The following PTTG1IP variants were observed in gnomAD, a reference collection of about 807,000 sequenced individuals.
PTTG1IP encodes the protein pituitary tumor-transforming gene 1 protein-interacting protein.
PTTG1IP carries 16 observed loss-of-function variants against 24.4 expected under a neutral mutation model. The ratio of observed to expected loss-of-function variants is 0.66; its 90% CI spans 0.44 to 1.00. PTTG1IP has a LOEUF of 1.00. PTTG1IP is among the 50% of genes least tolerant of loss of function. The pLI, the probability that PTTG1IP is intolerant of heterozygous loss-of-function variation, is 0.00. For missense variants in PTTG1IP, 241 were observed against 245.8 expected (o/e 0.98, Z 0.13); for synonymous variants, 89 against 96.8 (o/e 0.92, Z 0.47).
At chr21:44,867,622 G>A (rs2083552651) in intron 1 of PTTG1IP, among the ~76,000 whole-genome samples, 1 of 152,272 alleles carries the variant, frequency 6.6e-6, no homozygotes, top group South Asian at 2.1e-4. Flanking sequence ...AGGAGAGCAC[G>A]CTCATGTCTG....
chr21:44,872,089 C>A lies in PTTG1IP; in HGVS notation c.115+1413G>T, dbSNP rs930183900. 2.0e-5 allele frequency among the ~76,000 whole-genome samples: 3 copies of A among 152,226 alleles called. 1 individual carries two copies. Among genetic ancestry groups the A allele is most frequent in the Middle Eastern group, 6.3e-3 (2 of 316 alleles). Reference sequence around the variant, plus strand: ...GACACTCCCGCTTTCACAATGCAAGCAAACACACCCCCGAGCCACTGATAC... The same window carrying A: ...GACACTCCCGCTTTCACAATGCAAGAAAACACACCCCCGAGCCACTGATAC... On this transcript the variant is annotated intron_variant, in intron 1 of 5. Transcript: ENST00000330938.
intron 1 of PTTG1IP, among the ~76,000 whole-genome samples, chr21:44,868,686 G>A (rs2083561865): frequency 6.6e-6 from 1 of 152,200 alleles, no homozygotes; most frequent in Non-Finnish European, 1.5e-5. Flanking sequence ...TAAAGAGAAG[G>A]CCGAGTGGCA....
intron 1 of PTTG1IP, among the ~76,000 whole-genome samples, chr21:44,868,443 C>T (rs567029657): frequency 2.1e-4 from 32 of 152,250 alleles, no homozygotes; most frequent in Admixed American, 1.2e-3. Flanking sequence ...CCCCATCAGC[C>T]GGAAGCAGGG....
intron 3 of PTTG1IP, among the ~76,000 whole-genome samples, chr21:44,858,611 G>T (rs764617176): frequency 6.6e-6 from 1 of 152,200 alleles, no homozygotes; most frequent in Non-Finnish European, 1.5e-5. Context: ...GGGACCCTGC[G>T]TGGCGTGTGG....
rs370399382 is a variant in PTTG1IP at position 44,855,146 on chromosome 21, G to A, written c.496+64C>T. 72 of 1,509,574 alleles carry A rather than the reference G, an allele frequency of 4.8e-5. No individual in the cohort carries two copies. In the African/African-American group the frequency reaches 7.2e-4, roughly 15 times the overall value. 93.5% of individuals were successfully genotyped at this position (1,509,574 alleles called of 1,614,324 possible). A position where few individuals can be genotyped will look rare whatever the true frequency, so the allele number is the denominator to read the frequency against. On this transcript the variant is annotated intron_variant, in intron 5 of 5. Coordinates refer to ENST00000330938, the MANE Select transcript of PTTG1IP (RefSeq NM_004339.4). ...CATCTCAGGCCACACTGGCACTAAC[G>A]AGGACCGAGACAGCGTGCCATCGCC...
At chr21:44,862,694 A>G (rs894750430) in intron 2 of PTTG1IP, among the ~76,000 whole-genome samples, 1 of 152,184 alleles carries the variant, frequency 6.6e-6, no homozygotes, top group East Asian at 1.9e-4. Context: ...AGTCTATTAC[A>G]AAAAAATATT....
intron 5 of PTTG1IP, among the ~76,000 whole-genome samples, chr21:44,851,925 TTGGCTAGTTCCACAGTGGA>T (rs1273150380): frequency 1.3e-5 from 2 of 152,194 alleles, no homozygotes; most frequent in Admixed American, 1.3e-4. Flanking sequence ...TCCACAGTGG[TTGGCTAGTTCCACAGTGGA>T]TGGCTACTAT....
At chr21:44,852,549 C>T (rs956037373) in intron 5 of PTTG1IP, among the ~76,000 whole-genome samples, 2 of 152,188 alleles carry the variant, frequency 1.3e-5, no homozygotes, top group East Asian at 1.9e-4. Context: ...AAGCTACTCA[C>T]TGCATGTATT....
At chr21:44,867,880 C>T (rs1359690882) in intron 1 of PTTG1IP, among the ~76,000 whole-genome samples, 1 of 152,230 alleles carries the variant, frequency 6.6e-6, no homozygotes, top group South Asian at 2.1e-4. Context: ...AATAATACAT[C>T]GAGTACATTG....
intron 2 of PTTG1IP, among the ~76,000 whole-genome samples, chr21:44,864,832 G>A (rs1326959922): frequency 2.0e-5 from 3 of 152,234 alleles, no homozygotes; most frequent in African/African-American, 4.8e-5. Flanking sequence ...ACCTCATGCC[G>A]TGGAGGCTTA....
intron 1 of PTTG1IP, among the ~76,000 whole-genome samples, chr21:44,866,289 A>C (rs2083536546): frequency 9.0e-6 from 1 of 111,324 alleles, no homozygotes; most frequent in Non-Finnish European, 1.8e-5. Context: ...CTACTCCCCC[A>C]ATCCCGTAAC....
chr21:44,856,062 C>G, intron 4 of PTTG1IP, 131 bp downstream of exon 4: 1 of 1,559,888 alleles, frequency 6.4e-7, no homozygotes, highest in African/African-American at 1.3e-5. Flanking sequence ...AGAAGATCCC[C>G]TGGGCACTAT....
chr21:44,853,966 G>A (rs2083429869), intron 5 of PTTG1IP, among the ~76,000 whole-genome samples: 1 of 152,206 alleles, frequency 6.6e-6, no homozygotes. Flanking sequence ...ACATGGAGGT[G>A]ACTTTCCAAG....
intron 4 of PTTG1IP, 52 bp downstream of exon 4, chr21:44,856,141 G>C: frequency 6.2e-7 from 1 of 1,613,432 alleles, no homozygotes; most frequent in Non-Finnish European, 8.5e-7. Context: ...TGGCCTTGCA[G>C]ATCTGAATCC....
At chr21:44,869,630 A>G (rs1184810863) in intron 1 of PTTG1IP, among the ~76,000 whole-genome samples, 1 of 152,186 alleles carries the variant, frequency 6.6e-6, no homozygotes, top group Non-Finnish European at 1.5e-5. Context: ...TAAAACACAA[A>G]CAATTGTATT....
At chr21:44,872,175 C>G (rs535305117) in intron 1 of PTTG1IP, among the ~76,000 whole-genome samples, 2 of 152,300 alleles carry the variant, frequency 1.3e-5, no homozygotes, top group Admixed American at 6.5e-5. Flanking sequence ...GAAACGTATT[C>G]ACTGCACATT....
rs754319106 is a variant in PTTG1IP, at chr21:44,855,298, A to T, written c.450-42T>A. ...CATTATGAGCACCAAACGACAGCGC[A>T]CGGTGGTGTAACTGCTAGACACGCC... On this transcript the variant is annotated intron_variant, in intron 4 of 5. Transcript: ENST00000330938. The T allele has an allele frequency of 2.5e-6, 4 of 1,574,596 alleles. No individual in the cohort carries two copies. In the East Asian group the frequency reaches 9.0e-5, roughly 35 times the overall value.
chr21:44,873,080 C>T (rs1343269937), intron 1 of PTTG1IP: 2 of 152,564 alleles, frequency 1.3e-5, no homozygotes, highest in South Asian at 2.1e-4. Flanking sequence ...CCCGGCCTGC[C>T]CCCGACCAGC....
chr21:44,861,198 C>A lies in PTTG1IP; in HGVS notation c.242G>T (p.Cys81Phe). The A allele has an allele frequency of 6.2e-7, 1 of 1,614,134 alleles. No individual in the cohort carries two copies. Among genetic ancestry groups the A allele is most frequent in the Admixed American group, 1.7e-5 (1 of 60,022 alleles). The change falls in exon 3 of 6, where the codon TGT (cysteine) becomes TTT (phenylalanine). Residue 81 changes from cysteine (C) to phenylalanine (F), a missense_variant. Coordinates refer to ENST00000330938, the MANE Select transcript of PTTG1IP (RefSeq NM_004339.4). ...TCCCCAGCGTGCAGAGCTCAATTTA[C>A]AAAGGGAAGCCGGTGGCAAGACGCT... ...VTSVLPPASL[C>F]KLSSARWGVC...
Sources: allele counts gnomAD v4.1 joint callset (sites outside exome capture counted in the v4.1 genomes callset), GRCh38; gene constraint gnomAD v4.1.1; transcripts MANE v1.5; gene names NCBI Gene and HGNC (gene_info 2026-07-23, HGNC 2026-07-21).